BST1: variants seen among roughly 807,000 people sequenced by gnomAD.
BST1 encodes the protein ADP-ribosyl cyclase/cyclic ADP-ribose hydrolase 2.
In BST1, 49 loss-of-function variants were observed where a neutral mutation model predicts 40.6. The ratio of observed to expected loss-of-function variants is 1.21; its 90% CI spans 0.96 to 1.53. The LOEUF (loss-of-function observed/expected upper bound fraction) is 1.53, where lower values mean the gene tolerates loss of function less well. Ranked by LOEUF, BST1 falls within the 40% of genes most tolerant of loss-of-function variation. The pLI, the probability that BST1 is intolerant of heterozygous loss-of-function variation, is 0.00. For missense variants in BST1, 423 were observed against 395.9 expected (o/e 1.07, Z -0.58); for synonymous variants, 157 against 159.3 (o/e 0.99, Z 0.11).
chr4:15,722,824 A>T (rs1208860225), intron 7 of BST1, 51 bp from the exon 8 acceptor site: 1 of 1,533,358 alleles, frequency 6.5e-7, no homozygotes, highest in Non-Finnish European at 9.0e-7. Flanking sequence ...TAAATGGTTG[A>T]TGGATGAAAG....
chr4:15,768,386 T>G, the BST1 span, among the ~76,000 whole-genome samples: 1 of 152,132 alleles, frequency 6.6e-6, no homozygotes, highest in African/African-American at 2.4e-5. Context: ...TTTTTGGTAG[T>G]CCATGGAAGA....
the BST1 span, among the ~76,000 whole-genome samples, chr4:15,746,043 G>T: frequency 6.6e-6 from 1 of 152,190 alleles, no homozygotes; most frequent in East Asian, 1.9e-4. Context: ...GCATAGTCAA[G>T]GTGAATGAAC....
At chr4:15,731,258 G>A (rs1274118039) in intron 8 of BST1, 2 of 492,104 alleles carry the variant, frequency 4.1e-6, no homozygotes, top group East Asian at 5.0e-5. Context: ...ACTGGGCCGA[G>A]GATTCGTGGG....
At chr4:15,753,156 C>T in the BST1 span, among the ~76,000 whole-genome samples, 1 of 152,198 alleles carries the variant, frequency 6.6e-6, no homozygotes, top group Middle Eastern at 3.2e-3. Context: ...ATATCACCCT[C>T]CATCTTCATC....
At chr4:15,705,763 GCACACATAAT>G in intron 2 of BST1, 122 bp downstream of exon 2, 1 of 1,323,910 alleles carries the variant, frequency 7.6e-7, no homozygotes, top group South Asian at 1.3e-5. Context: ...ACATCAGGCA[GCACACATAAT>G]GTGTGTGCTG....
intron 1 of BST1, among the ~76,000 whole-genome samples, chr4:15,704,072 GGT>G (rs746120112): frequency 2.1e-5 from 3 of 145,464 alleles, no homozygotes; most frequent in Non-Finnish European, 3.0e-5. Flanking sequence ...AGAGGTGAGG[GGT>G]GTGTGTGTGT....
At chr4:15,703,420 G>T (rs1029741229) in intron 1 of BST1, 88 bp downstream of exon 1, 16 of 1,452,472 alleles carry the variant, frequency 1.1e-5, no homozygotes, top group Non-Finnish European at 1.4e-5. Flanking sequence ...CTAAAGTTCG[G>T]GGTGAGGGGG....
At chr4:15,714,956 C>A (rs1720426662) in intron 4 of BST1, among the ~76,000 whole-genome samples, 1 of 152,208 alleles carries the variant, frequency 6.6e-6, no homozygotes, top group Non-Finnish European at 1.5e-5. Flanking sequence ...TGATATAAAT[C>A]ATTGTTGTTT....
Position 15,703,242 on chromosome 4 carries a change from G to C in BST1, c.98G>C (p.Arg33Pro). 1.3e-6 allele frequency: 2 copies of C among 1,542,534 alleles called. No individual in the cohort carries two copies. Among genetic ancestry groups the C allele is most frequent in the Non-Finnish European group, 1.7e-6 (2 of 1,146,678 alleles). The change falls in exon 1 of 9, where the codon CGG becomes CCG. Residue 33 changes from arginine to proline, a missense_variant. Coordinates refer to ENST00000265016, the MANE Select transcript of BST1 (RefSeq NM_004334.3). ...LLLAAGGARARWRGEGTSAHL... is the reference protein window; with the variant it reads ...LLLAAGGARAPWRGEGTSAHL... The stretch of plus-strand genomic sequence containing the variant: ...CTGGCGGCGGGCGGGGCGCGCGCGC[G>C]GTGGCGCGGGGAGGGCACCAGCGCA...
At chr4:15,711,219 A>T (rs576927756) in intron 3 of BST1, among the ~76,000 whole-genome samples, 1 of 152,228 alleles carries the variant, frequency 6.6e-6, no homozygotes, top group African/African-American at 2.4e-5. Context: ...TTTTTTCTTT[A>T]TAGAGTATAT....
At chr4:15,720,382 G>T (rs1031720535) in intron 7 of BST1, among the ~76,000 whole-genome samples, 1 of 152,190 alleles carries the variant, frequency 6.6e-6, no homozygotes, top group East Asian at 1.9e-4. Flanking sequence ...ACTTTGGAAG[G>T]CCGAGGCGGG....
At chr4:15,720,672 T>C (rs909358862) in intron 7 of BST1, among the ~76,000 whole-genome samples, 1 of 151,662 alleles carries the variant, frequency 6.6e-6, no homozygotes, top group African/African-American at 2.4e-5. Context: ...GCACCTGTAG[T>C]TCCAGCTATT....
chr4:15,742,098 G>T (rs1054626132), downstream of BST1, among the ~76,000 whole-genome samples: 2 of 152,178 alleles, frequency 1.3e-5, no homozygotes, highest in Non-Finnish European at 2.9e-5. Context: ...AGAAGAAGGT[G>T]GTCTCTTCTC....
chr4:15,737,064 A>G (rs1349328805), downstream of BST1, among the ~76,000 whole-genome samples: 1 of 152,174 alleles, frequency 6.6e-6, no homozygotes, highest in African/African-American at 2.4e-5. Context: ...CAACTCACTT[A>G]CCTTACCTGA....
At chr4:15,766,019 G>A in the BST1 span, among the ~76,000 whole-genome samples, 36 of 152,084 alleles carry the variant, frequency 2.4e-4, no homozygotes, top group African/African-American at 8.2e-4. Context: ...ATAAGGGGAT[G>A]GAAGTCAAAA....
chr4:15,719,028 G>C, intron 7 of BST1, 35 bp downstream of exon 7: 1 of 1,588,220 alleles, frequency 6.3e-7, no homozygotes, highest in Non-Finnish European at 8.6e-7. Flanking sequence ...CTCTTGTAGA[G>C]GTGGTGTATG....
intron 7 of BST1, among the ~76,000 whole-genome samples, chr4:15,722,074 A>G (rs1720838498): frequency 6.6e-6 from 1 of 152,178 alleles, no homozygotes; most frequent in Non-Finnish European, 1.5e-5. Context: ...TGTTGTGCAC[A>G]GCAAGTTAGC....
chr4:15,703,430 G>T, intron 1 of BST1, 98 bp downstream of exon 1: 1 of 1,444,560 alleles, frequency 6.9e-7, no homozygotes, highest in Non-Finnish European at 9.0e-7. Flanking sequence ...GGGTGAGGGG[G>T]CAATGAGAGA....
chr4:15,747,623 T>C, the BST1 span, among the ~76,000 whole-genome samples: 4 of 152,370 alleles, frequency 2.6e-5, no homozygotes, highest in African/African-American at 7.2e-5. Context: ...CTTATCTCCC[T>C]GAGCCAAAGC....
Sources: gnomAD v4.1 joint callset for allele counts (sites outside exome capture counted in the v4.1 genomes callset) on GRCh38, gnomAD v4.1.1 for gene constraint, MANE v1.5 for transcripts, NCBI Gene and HGNC (gene_info 2026-07-23, HGNC 2026-07-21) for gene names.